USH2A: variants seen among roughly 807,000 people sequenced by gnomAD.
USH2A encodes the protein usherin.
In USH2A, 443 loss-of-function variants were observed where a neutral mutation model predicts 538.9. The observed-to-expected ratio is 0.82, with a 90% CI of 0.76 to 0.89. The LOEUF (loss-of-function observed/expected upper bound fraction) is 0.89, where lower values mean the gene tolerates loss of function less well. Ranked by LOEUF, USH2A falls within the 40% of genes least tolerant of loss-of-function variation. USH2A has a pLI of 0.00. For synonymous variants in USH2A, 2,413 were observed against 2,273.5 expected, an observed-to-expected ratio of 1.06 and a Z score of -1.75; for missense variants, 6,633 against 6,324.8, an observed-to-expected ratio of 1.05 and a Z score of -1.65.
chr1:215,938,259 T>A (rs1399515621), intron 37 of USH2A, among the ~76,000 whole-genome samples: 4 of 152,026 alleles, frequency 2.6e-5, no homozygotes, highest in Admixed American at 2.0e-4. Context: ...AGACCTAGAG[T>A]AACTGACAGG....
In USH2A at chr1:216,246,696, ACATCTGG is replaced by A; in HGVS notation, c.2691_2697del (p.Gln898ValfsTer67). The A allele has an allele frequency of 6.2e-7, 1 of 1,614,092 alleles. No individual in the cohort carries two copies. Among genetic ancestry groups the A allele is most frequent in the South Asian group, 1.1e-5 (1 of 91,088 alleles). ...AATGTCCCCAAGGAATCACACTCAC[ACATCTGG>A]CAGTGTTGAAAATTGTCAATGGTCA... On this transcript the variant is annotated frameshift_variant, in exon 13 of 72. Coordinates refer to ENST00000307340, the MANE Select transcript of USH2A (RefSeq NM_206933.4). LOFTEE classifies it high-confidence loss of function.
rs2037621933 is a variant in USH2A at position 216,321,962 on chromosome 1, C to T, written c.1565G>A (p.Gly522Asp). The change falls in exon 9 of 72, where the codon GGT becomes GAT. Residue 522 changes from glycine to aspartate, a missense_variant. Coordinates refer to ENST00000307340, the MANE Select transcript of USH2A (RefSeq NM_206933.4). ...ITISGRCQCH[G>D]HADNCDTTSQ... ...TGTTGTGTCGCAGTTATCGGCATGA[C>T]CATGGCACTGACATCTGCAAACATG... The T allele has an allele frequency of 6.2e-7, 1 of 1,613,644 alleles. No homozygotes were observed. The highest frequency in any genetic ancestry group is 1.3e-5 in the African/African-American group (1 of 74,862).
At chr1:215,878,063 A>T (rs1339998192) in intron 42 of USH2A, among the ~76,000 whole-genome samples, 183 bp from the exon 43 acceptor site, 1 of 152,086 alleles carries the variant, frequency 6.6e-6, no homozygotes, top group Admixed American at 6.6e-5. Flanking sequence ...ACCAAATTCC[A>T]TATATTTAAT....
At chr1:215,890,594 T>C (rs1443937048) in intron 40 of USH2A, among the ~76,000 whole-genome samples, 2 of 152,214 alleles carry the variant, frequency 1.3e-5, no homozygotes, top group Non-Finnish European at 2.9e-5. Flanking sequence ...GCAGTCATGG[T>C]ATAAATCACA....
intron 58 of USH2A, among the ~76,000 whole-genome samples, chr1:215,753,045 A>C (rs942476661): frequency 6.6e-6 from 1 of 152,214 alleles, no homozygotes; most frequent in Non-Finnish European, 1.5e-5. Flanking sequence ...ATGCAGCCAA[A>C]AGACACATGA....
At chr1:216,374,467 T>C (rs777792549) in intron 3 of USH2A, among the ~76,000 whole-genome samples, 1 of 152,112 alleles carries the variant, frequency 6.6e-6, no homozygotes, top group African/African-American at 2.4e-5. Flanking sequence ...ACATCATTTC[T>C]ATTTGTTCCA....
intron 20 of USH2A, among the ~76,000 whole-genome samples, chr1:216,180,407 G>C (rs181739375): frequency 6.6e-6 from 1 of 152,134 alleles, no homozygotes; most frequent in African/African-American, 2.4e-5. Flanking sequence ...TCTATTCGAT[G>C]TATAGATATT....
intron 61 of USH2A, among the ~76,000 whole-genome samples, chr1:215,706,502 G>A (rs1415111745): frequency 6.6e-6 from 1 of 152,148 alleles, no homozygotes; most frequent in East Asian, 1.9e-4. Context: ...TTGAGGCTAA[G>A]ATAAAAGCTA....
At chr1:215,850,548 T>C (rs1663989057) in intron 44 of USH2A, among the ~76,000 whole-genome samples, 2 of 152,144 alleles carry the variant, frequency 1.3e-5, no homozygotes, top group Non-Finnish European at 2.9e-5. Context: ...AAAAAGCCTG[T>C]CTTTAATTGA....
intron 61 of USH2A, among the ~76,000 whole-genome samples, chr1:215,708,602 G>A (rs1659249035): frequency 6.6e-6 from 1 of 152,158 alleles, no homozygotes; most frequent in Non-Finnish European, 1.5e-5. Flanking sequence ...GTATTAGTTA[G>A]ATTCTCATAA....
chr1:216,259,083 C>T (rs992119166), intron 11 of USH2A, among the ~76,000 whole-genome samples: 3 of 152,110 alleles, frequency 2.0e-5, no homozygotes, highest in Non-Finnish European at 2.9e-5. Flanking sequence ...CATCCTTCAA[C>T]TGTTCCTGTT....
rs772500408 is a variant in USH2A at position 215,867,163 on chromosome 1, T to C, written c.8689A>G (p.Thr2897Ala). The change falls in exon 44 of 72, where the codon ACC (threonine) becomes GCC (alanine). Residue 2897 changes from threonine (T) to alanine (A), a missense_variant. Transcript: ENST00000307340. ...TGTACGAAGAGCATATATTCATAGG[T>C]TGTAAACCTAAAATGTTGTTTTGTT... ...YEDKGLSRFT[T>A]YEYMLFVHNS... The C allele has an allele frequency of 9.9e-6, 16 of 1,613,952 alleles. 1 individual carries two copies. The highest frequency in any genetic ancestry group is 1.3e-5 in the Non-Finnish European group (15 of 1,179,958).
chr1:216,056,309 C>G (rs1256309696), intron 30 of USH2A, among the ~76,000 whole-genome samples: 1 of 152,062 alleles, frequency 6.6e-6, no homozygotes, highest in Non-Finnish European at 1.5e-5. Flanking sequence ...GGCAAGGAGA[C>G]AAGAGGAAAA....
chr1:215,780,161 T>C (rs1309098476), intron 54 of USH2A, 120 bp from the exon 55 acceptor site: 1 of 1,106,508 alleles, frequency 9.0e-7, no homozygotes, highest in Non-Finnish European at 1.3e-6. Flanking sequence ...AGCAGGGGCT[T>C]GGAGAAGCAT....
chr1:216,220,484 C>T (rs186327600), intron 14 of USH2A, among the ~76,000 whole-genome samples: 2 of 149,724 alleles, frequency 1.3e-5, no homozygotes, highest in African/African-American at 2.5e-5. Context: ...AGTCTGGTAG[C>T]AGAAGAAGGG....
intron 47 of USH2A, among the ~76,000 whole-genome samples, chr1:215,821,519 T>C (rs1215926803): frequency 1.3e-5 from 2 of 151,942 alleles, no homozygotes; most frequent in African/African-American, 4.8e-5. Flanking sequence ...TAATTCATTG[T>C]CAGATAGACA....
At chr1:216,376,594 A>G (rs2038825580) in intron 3 of USH2A, among the ~76,000 whole-genome samples, 1 of 152,210 alleles carries the variant, frequency 6.6e-6, no homozygotes, top group Non-Finnish European at 1.5e-5. Context: ...CTCTTAAATC[A>G]CAGTAATACA....
At chr1:216,114,474 G>C (rs2032954096) in intron 21 of USH2A, among the ~76,000 whole-genome samples, 1 of 151,832 alleles carries the variant, frequency 6.6e-6, no homozygotes, top group African/African-American at 2.4e-5. Context: ...GTTTACTCTT[G>C]GTTTGTCCAC....
At chr1:216,191,330 C>T (rs1386129714) in intron 19 of USH2A, among the ~76,000 whole-genome samples, 2 of 151,882 alleles carry the variant, frequency 1.3e-5, no homozygotes, top group African/African-American at 2.4e-5. Flanking sequence ...TTTCTAGAGA[C>T]TTTCTCTTTA....
Sources: allele counts gnomAD v4.1 joint callset (sites outside exome capture counted in the v4.1 genomes callset), GRCh38; gene constraint gnomAD v4.1.1; transcripts MANE v1.5; gene names NCBI Gene and HGNC (gene_info 2026-07-23, HGNC 2026-07-21).